The following CECR2 variants were observed in gnomAD, a reference collection of about 807,000 sequenced individuals.
The protein encoded by CECR2 is chromatin remodeling regulator CECR2.
In CECR2, 30 loss-of-function variants were observed where a neutral mutation model predicts 154.5. The ratio of observed to expected loss-of-function variants is 0.19; its 90% CI spans 0.15 to 0.26. The LOEUF is 0.26. Among genes scored for constraint, CECR2 ranks in the 10% least tolerant of loss-of-function variants. The probability of loss-of-function intolerance (pLI) is 1.00; values close to 1 mark genes in which losing one functional copy is unlikely to be tolerated. For missense variants in CECR2, 1,743 were observed against 1,829.3 expected (o/e 0.95, Z 0.86); for synonymous variants, 725 against 683.7 (o/e 1.06, Z -0.94).
chr22:17,455,296 A>G (rs1327502612), intron 1 of CECR2, among the ~76,000 whole-genome samples: 2 of 152,250 alleles, frequency 1.3e-5, no homozygotes, highest in Non-Finnish European at 2.9e-5. Context: ...GAATGTTAGC[A>G]CAAGTGTTTG....
At chr22:17,509,017 G>A (rs577658401) in intron 7 of CECR2, among the ~76,000 whole-genome samples, 19 of 152,298 alleles carry the variant, frequency 1.2e-4, no homozygotes, top group Admixed American at 8.5e-4. Context: ...TTGGGAGGCC[G>A]AGGCGGGTGG....
intron 17 of CECR2, among the ~76,000 whole-genome samples, chr22:17,550,695 C>T (rs1354509371): frequency 6.6e-6 from 1 of 152,208 alleles, no homozygotes; most frequent in Non-Finnish European, 1.5e-5. Context: ...GTAATCCCAG[C>T]ACTTCGGGAG....
Position 17,503,239 on chromosome 22 carries a change from G to C in CECR2, c.700+108G>C, listed in dbSNP as rs984341680. Reference sequence around the variant, plus strand: ...ATACAAAGTAAAGGTTATTGCAATAGCCTTTTACCTACCCCCTGTACTCTT... The same window carrying C: ...ATACAAAGTAAAGGTTATTGCAATACCCTTTTACCTACCCCCTGTACTCTT... On this transcript the variant is annotated intron_variant, in intron 6 of 18. Transcript: ENST00000262608. The C allele has an allele frequency of 4.2e-6, 4 of 945,702 alleles. No homozygotes were observed. In the African/African-American group the frequency reaches 6.6e-5, roughly 16 times the overall value. The allele number at this position is 945,702 out of a possible 1,614,324, so 58.6% of individuals were successfully genotyped here. A position where few individuals can be genotyped will look rare whatever the true frequency, so the allele number is the denominator to read the frequency against.
intron 1 of CECR2, chr22:17,419,540 A>AGAG (rs1441304200): frequency 5.0e-6 from 1 of 199,778 alleles, no homozygotes; most frequent in Middle Eastern, 5.8e-4. Flanking sequence ...AGGAAGAGGA[A>AGAG]GAGGAAGAGG....
At chr22:17,460,793 T>G (rs143015613) in intron 1 of CECR2, among the ~76,000 whole-genome samples, 51 of 152,310 alleles carry the variant, frequency 3.3e-4, no homozygotes, top group African/African-American at 1.1e-3. Context: ...ACATCACAGC[T>G]TTCTCTCCCA....
intron 8 of CECR2, among the ~76,000 whole-genome samples, chr22:17,516,996 T>G (rs174298): frequency 0.15 from 21,606 of 146,914 alleles, 1,949 homozygotes; most frequent in Non-Finnish European, 0.21. Flanking sequence ...CTGCAACCTC[T>G]GCCTCCCGAG....
chr22:17,496,128 T>A (rs1010046275), intron 2 of CECR2, among the ~76,000 whole-genome samples: 1 of 151,932 alleles, frequency 6.6e-6, no homozygotes, highest in Admixed American at 6.6e-5. Flanking sequence ...AATTTTAATA[T>A]ACAGACATGG....
At chr22:17,374,664 A>G (rs2063097741) in intron 1 of CECR2, among the ~76,000 whole-genome samples, 1 of 152,186 alleles carries the variant, frequency 6.6e-6, no homozygotes, top group Non-Finnish European at 1.5e-5. Context: ...GGAAACTTGT[A>G]TTCTGATTGT....
intron 1 of CECR2, among the ~76,000 whole-genome samples, chr22:17,431,907 A>G (rs2189078): frequency 0.84 from 124,130 of 147,680 alleles, 52,574 homozygotes; most frequent in African/African-American, 0.95. Context: ...GAACATTTTC[A>G]ACACCCCAAA....
At position 17,499,223 on chromosome 22, in the gene CECR2, C is replaced by G. The variant is rs140161708; in HGVS notation, c.406-187C>G. ...CCAGGCTGGTCTTGAACTCCTGACC[C>G]CATGATTTGCCCGCCTCAGCCTCCC... On this transcript the variant is annotated intron_variant, in intron 3 of 18. Coordinates refer to ENST00000262608, the MANE Select transcript of CECR2 (RefSeq NM_001290047.2). Among the ~76,000 whole-genome samples the G allele has an allele frequency of 5.7e-3, 860 of 151,870 alleles. 28 individuals are homozygous for G. In the East Asian group the frequency reaches 0.11, roughly 19 times the overall value.
chr22:17,527,453 G>C (rs1170243162), intron 9 of CECR2, among the ~76,000 whole-genome samples: 1 of 151,556 alleles, frequency 6.6e-6, no homozygotes, highest in East Asian at 1.9e-4. Flanking sequence ...GCGAGACCCT[G>C]TCTCAAAAAA....
chr22:17,426,819 T>C (rs745858975), intron 1 of CECR2, among the ~76,000 whole-genome samples: 1 of 152,150 alleles, frequency 6.6e-6, no homozygotes, highest in Non-Finnish European at 1.5e-5. Flanking sequence ...TCCTATAAAT[T>C]GGTGGTTAAA....
intron 17 of CECR2, 132 bp from the exon 18 acceptor site, chr22:17,551,899 T>C: frequency 1.3e-6 from 1 of 794,460 alleles, no homozygotes; most frequent in Non-Finnish European, 2.1e-6. Context: ...TGTCGAGTTG[T>C]CCCAGTATGG....
chr22:17,411,267 G>C (rs1020294570), intron 1 of CECR2, among the ~76,000 whole-genome samples: 3 of 152,206 alleles, frequency 2.0e-5, no homozygotes, highest in African/African-American at 7.2e-5. Flanking sequence ...TATGGGAAGA[G>C]ACACCTGGAG....
Position 17,548,160 on chromosome 22 carries a change from C to G in CECR2, c.2873C>G (p.Pro958Arg). 1.3e-6 allele frequency: 2 copies of G among 1,532,496 alleles called. No individual in the cohort carries two copies. Among genetic ancestry groups the G allele is most frequent in the Admixed American group, 2.1e-5 (1 of 46,716 alleles). The allele number at this position is 1,532,496 out of a possible 1,614,324, so 94.9% of individuals were successfully genotyped here. A position where few individuals can be genotyped will look rare whatever the true frequency, so the allele number is the denominator to read the frequency against. ...TTTTTTTTTGCAGCAGAGCCGTTGC[C>G]TGGCCTTGAAGAGAAACCACCAGGT... is the stretch of plus-strand genomic sequence containing the variant. ...EPENDQAEPL[P>R]GLEEKPPGVG... The change falls in exon 17 of 19, where the codon CCT (proline) becomes CGT (arginine). Residue 958 changes from proline (P) to arginine (R), a missense_variant. Physicochemically the swap from Pro to Arg is moderately radical, Grantham distance 103. Transcript: ENST00000262608.
At chr22:17,402,238 G>A (rs1007304383) in intron 1 of CECR2, among the ~76,000 whole-genome samples, 1 of 152,170 alleles carries the variant, frequency 6.6e-6, no homozygotes, top group Non-Finnish European at 1.5e-5. Context: ...ACCTGCCTCG[G>A]CCTCCCAAAG....
At chr22:17,438,386 T>C (rs534455983) in intron 1 of CECR2, among the ~76,000 whole-genome samples, 1 of 152,366 alleles carries the variant, frequency 6.6e-6, no homozygotes, top group South Asian at 2.1e-4. Context: ...TTGATGAGAC[T>C]TGTCGACTGA....
chr22:17,465,306 A>G (rs1014258688), intron 1 of CECR2, among the ~76,000 whole-genome samples: 7 of 151,238 alleles, frequency 4.6e-5, no homozygotes, highest in African/African-American at 1.7e-4. Flanking sequence ...AAATATTTCT[A>G]TTTAAACTGT....
At chr22:17,500,000 A>G (rs893242854) in intron 4 of CECR2, among the ~76,000 whole-genome samples, 3 of 152,174 alleles carry the variant, frequency 2.0e-5, no homozygotes, top group African/African-American at 7.2e-5. Flanking sequence ...TCACGAGGTC[A>G]GGAGATCGAG....
Sources: allele counts gnomAD v4.1 joint callset (sites outside exome capture counted in the v4.1 genomes callset), GRCh38; gene constraint gnomAD v4.1.1; transcripts MANE v1.5; gene names NCBI Gene and HGNC (gene_info 2026-07-23, HGNC 2026-07-21).